Variants in NIPBL observed in about 807,000 individuals in gnomAD.
NIPBL encodes nipped-B-like protein.
A neutral mutation model predicts 321.8 loss-of-function variants in NIPBL; 19 were observed. The ratio of observed to expected loss-of-function variants is 0.06; its 90% confidence interval spans 0.04 to 0.09. The LOEUF (loss-of-function observed/expected upper bound fraction) is 0.09, where lower values mean the gene tolerates loss of function less well. Among genes scored for constraint, NIPBL ranks in the 10% least tolerant of loss-of-function variants. NIPBL has a pLI of 1.00. For missense variants in NIPBL, 2,210 were observed against 3,327.0 expected (o/e 0.66, Z 8.26); for synonymous variants, 1,106 against 1,114.1 (o/e 0.99, Z 0.14).
At chr5:37,055,356 TAAA>T (rs57488198) in intron 42 of NIPBL, among the ~76,000 whole-genome samples, 6 of 84,648 alleles carry the variant, frequency 7.1e-5, no homozygotes, top group Admixed American at 1.3e-4. Flanking sequence ...ATCTCAACAG[TAAA>T]AAAAAAAAAA....
intron 6 of NIPBL, among the ~76,000 whole-genome samples, chr5:36,969,851 A>G (rs958496563): frequency 1.3e-5 from 2 of 152,228 alleles, no homozygotes; most frequent in African/African-American, 4.8e-5. Context: ...ACCAATGAAT[A>G]CAAATGGTCA....
Position 36,975,956 on chromosome 5 carries a change from C to G in NIPBL, c.1049C>G (p.Ser350Cys). Residue 350 changes from serine to cysteine, a missense_variant, in exon 9 of 47, where the codon TCT becomes TGT. By Grantham distance (112) the Ser-to-Cys change is moderately radical. This residue lies in a region of NIPBL where 464 missense variants were observed against 529.5 expected (regional missense o/e 0.88). Coordinates refer to ENST00000282516, the MANE Select transcript of NIPBL (RefSeq NM_133433.4). ...GCGGCAATGTATGATATAATTAGTT[C>G]TCCATCCAAGGACTCTACTAAACTT... ...EKAAMYDIIS[S>C]PSKDSTKLTL... 1 of 1,613,948 alleles carries G rather than the reference C, an allele frequency of 6.2e-7. No individual in the cohort carries two copies. Among genetic ancestry groups the G allele is most frequent in the African/African-American group, 1.3e-5 (1 of 75,036 alleles).
chr5:36,904,684 C>T (rs2149538104), intron 1 of NIPBL, among the ~76,000 whole-genome samples: 1 of 152,230 alleles, frequency 6.6e-6, no homozygotes, highest in East Asian at 1.9e-4. Flanking sequence ...GTTTGACTGG[C>T]AGAGAATCTG....
chr5:36,951,528 C>A (rs1740288552), intron 1 of NIPBL, among the ~76,000 whole-genome samples: 1 of 152,092 alleles, frequency 6.6e-6, no homozygotes, highest in Admixed American at 6.6e-5. Flanking sequence ...TTGGAACTTT[C>A]TTATTAGCAT....
At chr5:36,963,600 A>T (rs1741868514) in intron 6 of NIPBL, among the ~76,000 whole-genome samples, 1 of 151,890 alleles carries the variant, frequency 6.6e-6, no homozygotes, top group African/African-American at 2.4e-5. Context: ...CCAGGAGCTC[A>T]AGACCAGCCT....
In NIPBL at chr5:36,958,168, G is replaced by T; in HGVS notation, c.295G>T (p.Val99Phe). The T allele has an allele frequency of 6.2e-7, 1 of 1,613,888 alleles. No homozygotes were observed. The highest frequency in any genetic ancestry group is 8.5e-7 in the Non-Finnish European group (1 of 1,179,874). The change falls in exon 4 of 47, where the codon GTC becomes TTC. Residue 99 changes from valine to phenylalanine, a missense_variant. Transcript: ENST00000282516. ...TGACATACCAGTCTTGTTGCAGGCC[G>T]TCCTGGCAAGGAGTCCTAATGTTTT... The part of the protein sequence containing the change: ...EGDIPVLLQA[V>F]LARSPNVFRE...
chr5:37,052,677 TTAAG>T lies in NIPBL; in HGVS notation c.7263+113_7263+116del, dbSNP rs56954108. 7 of 810,174 alleles carry T rather than the reference TTAAG, an allele frequency of 8.6e-6. No homozygotes were observed. In the African/African-American group the frequency reaches 1.0e-4, roughly 12 times the overall value. The allele number at this position is 810,174 out of a possible 1,614,324, so 50.2% of individuals were successfully genotyped here. ...TTATTAGTATATGATAGTAACTTCA[TTAAG>T]TGTTTTCTTAATCTTCTAAGTTATT... On this transcript the variant is annotated intron_variant, in intron 42 of 46. Transcript: ENST00000282516.
At chr5:36,921,147 A>G (rs1748909114) in intron 1 of NIPBL, among the ~76,000 whole-genome samples, 1 of 151,734 alleles carries the variant, frequency 6.6e-6, no homozygotes, top group Non-Finnish European at 1.5e-5. Flanking sequence ...ATCCTACACC[A>G]CATTTTTACC....
intron 10 of NIPBL, among the ~76,000 whole-genome samples, chr5:36,992,710 TTTTATTTATTTATTTATTTA>T (rs70976270): frequency 0.018 from 2,435 of 137,704 alleles, 32 homozygotes; most frequent in Admixed American, 0.025. Context: ...AAGTCATGCA[TTTTATTTATTTATTTATTTA>T]TTTATTTATT....
intron 22 of NIPBL, among the ~76,000 whole-genome samples, chr5:37,015,123 T>A (rs970304076): frequency 7.0e-6 from 1 of 142,820 alleles, no homozygotes; most frequent in Admixed American, 7.0e-5. Flanking sequence ...TCCATATGAA[T>A]TTTTTTTTTT....
intron 1 of NIPBL, among the ~76,000 whole-genome samples, chr5:36,922,197 T>C (rs1303949529): frequency 6.6e-6 from 1 of 152,070 alleles, no homozygotes; most frequent in East Asian, 1.9e-4. Context: ...CCCTTCAATG[T>C]TTTTCTTAAA....
At chr5:36,930,748 G>A (rs1436690721) in intron 1 of NIPBL, among the ~76,000 whole-genome samples, 2 of 152,098 alleles carry the variant, frequency 1.3e-5, no homozygotes, top group Non-Finnish European at 1.5e-5. Flanking sequence ...TTAAAAAATA[G>A]TGGTTGTTGG....
intron 39 of NIPBL, 74 bp downstream of exon 39, chr5:37,048,749 A>G: frequency 1.6e-6 from 2 of 1,216,880 alleles, no homozygotes; most frequent in South Asian, 2.7e-5. Flanking sequence ...TAATCTAAAT[A>G]TCTAAATTTC....
At chr5:37,053,042 C>A (rs1306655903) in intron 42 of NIPBL, among the ~76,000 whole-genome samples, 2 of 152,020 alleles carry the variant, frequency 1.3e-5, no homozygotes, top group East Asian at 3.8e-4. Context: ...ATTTCATGAC[C>A]CCCAGTGGAT....
At chr5:36,988,616 G>A (rs1489592660) in intron 10 of NIPBL, among the ~76,000 whole-genome samples, 1 of 151,958 alleles carries the variant, frequency 6.6e-6, no homozygotes, top group African/African-American at 2.4e-5. Flanking sequence ...ATGAAGCACA[G>A]TTGTAGATTA....
intron 30 of NIPBL, among the ~76,000 whole-genome samples, chr5:37,025,812 A>C (rs1750200800): frequency 6.6e-6 from 1 of 152,128 alleles, no homozygotes; most frequent in African/African-American, 2.4e-5. Context: ...TCCATAAAAA[A>C]AAAATTTTAA....
rs1738873236 is a variant in NIPBL, at chr5:36,939,897, T to A, written c.-79-13721T>A. On this transcript the variant is annotated intron_variant, in intron 1 of 46. Coordinates refer to ENST00000282516, the MANE Select transcript of NIPBL (RefSeq NM_133433.4). The stretch of plus-strand genomic sequence containing the variant: ...CTAATCACCTCTTAAAGGTCCCATC[T>A]CTCAACACTGTTGTATTGGGGATTA... Among the ~76,000 whole-genome samples, 3 of 152,280 alleles carry A rather than the reference T, an allele frequency of 2.0e-5. No homozygotes were observed. In the South Asian group the frequency reaches 6.2e-4, roughly 32 times the overall value.
rs780744426 is a variant in NIPBL, at chr5:37,044,343, A to T, written c.6109-4A>T. On this transcript the variant is annotated splice_region_variant and splice_polypyrimidine_tract_variant and intron_variant, in intron 34 of 46. Coordinates refer to ENST00000282516, the MANE Select transcript of NIPBL (RefSeq NM_133433.4). ...TTCATAAAGCATTAATTTTATTCTT[A>T]TAGACGCAAAATGATTTCATGGTTA... 3.7e-6 allele frequency: 6 copies of T among 1,612,836 alleles called. No individual in the cohort carries two copies. The African/African-American group carries it at 8.0e-5, about 22-fold the overall frequency.
At chr5:36,973,150 T>C (rs1345455542) in intron 8 of NIPBL, among the ~76,000 whole-genome samples, 1 of 152,164 alleles carries the variant, frequency 6.6e-6, no homozygotes, top group Non-Finnish European at 1.5e-5. Flanking sequence ...TTCTACTTTT[T>C]AAAATTAGCT....
Sources: gnomAD v4.1 joint callset for allele counts (sites outside exome capture counted in the v4.1 genomes callset) on GRCh38, gnomAD v4.1.1 for gene constraint, gnomAD v4.1.1 regional missense constraint, MANE v1.5 for transcripts, NCBI Gene and HGNC (gene_info 2026-07-23, HGNC 2026-07-21) for gene names.